Variants in EIF3D observed in about 807,000 individuals in gnomAD.
EIF3D encodes eukaryotic translation initiation factor 3 subunit D.
In EIF3D, 10 loss-of-function variants were observed where a neutral mutation model predicts 75.4. That is an observed-to-expected ratio of 0.13 (90% CI 0.08 to 0.22). The LOEUF (loss-of-function observed/expected upper bound fraction) is 0.22. EIF3D is among the 10% of genes least tolerant of loss of function. EIF3D has a pLI of 1.00. For missense variants in EIF3D, 394 were observed against 708.0 expected (o/e 0.56, Z 5.03); for synonymous variants, 246 against 248.3 (o/e 0.99, Z 0.09).
chr22:36,523,184 C>G, intron 6 of EIF3D, 25 bp downstream of exon 6: 1 of 1,599,128 alleles, frequency 6.3e-7, no homozygotes, highest in African/African-American at 1.3e-5. Context: ...AATTCCAAGG[C>G]AGAATTCTGG....
intron 12 of EIF3D, 191 bp downstream of exon 12, chr22:36,516,287 A>G (rs1934425273): frequency 3.2e-6 from 2 of 632,140 alleles, no homozygotes; most frequent in South Asian, 4.4e-5. Context: ...TTCTACACAC[A>G]CAGTCATGCT....
chr22:36,521,195 G>A (rs533980233), intron 6 of EIF3D, among the ~76,000 whole-genome samples: 8 of 152,116 alleles, frequency 5.3e-5, no homozygotes, highest in South Asian at 2.1e-4. Context: ...GCAAGACTGC[G>A]TCTCAATAAA....
chr22:36,529,014 G>C lies in EIF3D; in HGVS notation c.-11+62C>G, dbSNP rs547242279. On this transcript the variant is annotated intron_variant, in intron 1 of 14. Transcript: ENST00000216190. Reference sequence around the variant, plus strand: ...GGTCTCTTCCGGGAGGCCCCCCGAAGGCTGGACCTAGTCCGAACCGGCTCC... The same window carrying C: ...GGTCTCTTCCGGGAGGCCCCCCGAACGCTGGACCTAGTCCGAACCGGCTCC... 10 of 352,926 alleles carry C rather than the reference G, an allele frequency of 2.8e-5. No individual in the cohort carries two copies. In the East Asian group the frequency reaches 3.7e-4, roughly 13 times the overall value. 21.9% of individuals were successfully genotyped at this position (352,926 alleles called of 1,614,324 possible).
Position 36,519,263 on chromosome 22 carries a change from C to G in EIF3D, c.711+142G>C, listed in dbSNP as rs1603498892. The G allele has an allele frequency of 4.0e-6, 5 of 1,238,758 alleles. No homozygotes were observed. The East Asian group carries it at 1.2e-4, about 30-fold the overall frequency. 76.7% of individuals were successfully genotyped at this position (1,238,758 alleles called of 1,614,324 possible). On this transcript the variant is annotated intron_variant, in intron 8 of 14. Coordinates refer to ENST00000216190, the MANE Select transcript of EIF3D (RefSeq NM_003753.4). ...CTTCAAGTCCAGCTGTGCTTAACAT[C>G]CACATTTCCGGTCTACCTGGCAAAG... is the stretch of plus-strand genomic sequence containing the variant.
chr22:36,529,090 G>A lies in EIF3D; in HGVS notation c.-25C>T, dbSNP rs567453218. 5.1e-6 allele frequency: 2 copies of A among 392,694 alleles called. No individual in the cohort carries two copies. Among genetic ancestry groups the A allele is most frequent in the East Asian group, 7.2e-5 (2 of 27,786 alleles). 24.3% of individuals were successfully genotyped at this position (392,694 alleles called of 1,614,324 possible). A position where few individuals can be genotyped will look rare whatever the true frequency, so the allele number is the denominator to read the frequency against. On this transcript the variant is annotated 5_prime_UTR_variant, in exon 1 of 15. Transcript: ENST00000216190. ...ACGCCGCTCACCTGCAATGGCCTCG[G>A]CCGGCCGGGATGGCAACAGATGGTG... is the stretch of plus-strand genomic sequence containing the variant.
rs1000795821 is a variant in EIF3D at position 36,518,648 on chromosome 22, T to C, written c.859+115A>G. 7.5e-6 allele frequency: 10 copies of C among 1,337,170 alleles called. No individual in the cohort carries two copies. In the East Asian group the frequency reaches 2.3e-4, roughly 31 times the overall value. 82.8% of individuals were successfully genotyped at this position (1,337,170 alleles called of 1,614,324 possible). Reference sequence around the variant, plus strand: ...GTGGGAGATTCAGACACTGCTGCTGTCAATTCCCTTGGGAAGACAGACCAC... The same window carrying C: ...GTGGGAGATTCAGACACTGCTGCTGCCAATTCCCTTGGGAAGACAGACCAC... On this transcript the variant is annotated intron_variant, in intron 9 of 14. Coordinates refer to ENST00000216190, the MANE Select transcript of EIF3D (RefSeq NM_003753.4).
chr22:36,516,016 G>A (rs1233111626), intron 12 of EIF3D: 1 of 154,384 alleles, frequency 6.5e-6, no homozygotes, highest in Non-Finnish European at 1.4e-5. Flanking sequence ...ATGAGTTAAA[G>A]AAATGAGGAA....
chr22:36,516,402 C>A, intron 12 of EIF3D, 76 bp downstream of exon 12: 3 of 1,544,674 alleles, frequency 1.9e-6, no homozygotes, highest in Admixed American at 1.9e-5. Context: ...GTTTATACAA[C>A]CTAGCCTGCG....
chr22:36,527,557 G>A (rs1240672326), intron 1 of EIF3D, among the ~76,000 whole-genome samples: 1 of 152,198 alleles, frequency 6.6e-6, no homozygotes, highest in Non-Finnish European at 1.5e-5. Flanking sequence ...GTATTTCTTG[G>A]AGGCCGGGCG....
chr22:36,517,246 A>G (rs1934442101), intron 10 of EIF3D, 55 bp downstream of exon 10: 3 of 1,611,364 alleles, frequency 1.9e-6, no homozygotes, highest in Admixed American at 1.7e-5. Context: ...GATGCTCCAC[A>G]AACAGCAGCT....
chr22:36,511,754 G>A lies in EIF3D; in HGVS notation c.1382C>T (p.Ser461Leu), dbSNP rs1177836522. Residue 461 changes from serine (S) to leucine (L), a missense_variant, in exon 14 of 15, where the codon TCA becomes TTA. Physicochemically the swap from Ser to Leu is moderately radical, Grantham distance 145. Transcript: ENST00000216190. ...CTGGGTGCCTAGGATGACGTGGCGT[G>A]AGGAGTCTTTCACGTGGTACCGAGA... ...YVSRYHVKDS[S>L]RHVILGTQQF... 6.2e-7 allele frequency: 1 copy of A among 1,614,012 alleles called. No individual in the cohort carries two copies. Among genetic ancestry groups the A allele is most frequent in the South Asian group, 1.1e-5 (1 of 91,068 alleles).
At chr22:36,514,274 T>C (rs1159553222) in intron 12 of EIF3D, among the ~76,000 whole-genome samples, 2 of 152,188 alleles carry the variant, frequency 1.3e-5, no homozygotes, top group African/African-American at 4.8e-5. Context: ...GAAATCATTT[T>C]CAAAGAGTTC....
At chr22:36,511,944 G>A (rs1450685365) in intron 13 of EIF3D, among the ~76,000 whole-genome samples, 158 bp from the exon 14 acceptor site, 2 of 150,198 alleles carry the variant, frequency 1.3e-5, no homozygotes, top group Non-Finnish European at 3.0e-5. Context: ...AGGCTGGAGT[G>A]CAGTGGCGCC....
Position 36,526,027 on chromosome 22 carries a change from G to A in EIF3D, c.95C>T (p.Pro32Leu), listed in dbSNP as rs550071940. The change falls in exon 2 of 15, where the codon CCG becomes CTG. Residue 32 changes from proline to leucine, a missense_variant. Transcript: ENST00000216190. The part of the protein sequence containing the change: ...PEQFRDMPYQ[P>L]FSKGDRLGKV... ...TCCTAGCCGATCTCCTTTGCTGAAC[G>A]GCTGGTAGGGCATATCCCGAAACTG... 6.8e-6 allele frequency: 11 copies of A among 1,613,114 alleles called. No homozygotes were observed. Among genetic ancestry groups the A allele is most frequent in the African/African-American group, 4.0e-5 (3 of 74,986 alleles).
intron 7 of EIF3D, 73 bp from the exon 8 acceptor site, chr22:36,519,610 C>A: frequency 2.5e-6 from 4 of 1,591,090 alleles, no homozygotes; most frequent in East Asian, 2.2e-5. Context: ...AGCCATACAT[C>A]CAGAAGTCTT....
intron 2 of EIF3D, 123 bp from the exon 3 acceptor site, chr22:36,525,832 TG>T (rs1934589692): frequency 1.4e-6 from 2 of 1,455,328 alleles, no homozygotes; most frequent in Non-Finnish European, 1.9e-6. Context: ...ACAACACCTC[TG>T]TAAGTGCCCA....
chr22:36,519,458 T>C lies in EIF3D; in HGVS notation c.658A>G (p.Ile220Val), dbSNP rs748862499. 92 of 1,614,074 alleles carry C rather than the reference T, an allele frequency of 5.7e-5. No homozygotes were observed. Among genetic ancestry groups the C allele is most frequent in the Non-Finnish European group, 7.6e-5 (90 of 1,180,052 alleles). The change falls in exon 8 of 15, where the codon ATC becomes GTC. Residue 220 changes from isoleucine (I) to valine (V), a missense_variant. By Grantham distance (29) the Ile-to-Val change is conservative. Coordinates refer to ENST00000216190, the MANE Select transcript of EIF3D (RefSeq NM_003753.4). ...GTGACAGTGTGGAAGATGCGCTTGA[T>C]GCTCCGCAGTGGCTTCTCACTCCTC... is the stretch of plus-strand genomic sequence containing the variant. ...TTRSEKPLRS[I>V]KRIFHTVTTT...
At chr22:36,528,891 T>C (rs1206833347) in intron 1 of EIF3D, 185 bp downstream of exon 1, 1 of 173,504 alleles carries the variant, frequency 5.8e-6, no homozygotes, top group East Asian at 1.5e-4. Context: ...CACAAGGTCG[T>C]GTCCCGCGTT....
At chr22:36,512,805 T>C (rs1603498440) in intron 12 of EIF3D, 2 of 561,964 alleles carry the variant, frequency 3.6e-6, no homozygotes, top group East Asian at 6.2e-5. Context: ...CGACTTACAA[T>C]TCCTCTCTTC....
Sources: allele counts gnomAD v4.1 joint callset (sites outside exome capture counted in the v4.1 genomes callset), GRCh38; gene constraint gnomAD v4.1.1; transcripts MANE v1.5; gene names NCBI Gene and HGNC (gene_info 2026-07-23, HGNC 2026-07-21).